Variants in DHX58 observed in about 807,000 individuals in gnomAD.
DHX58 encodes the protein ATP-dependent RNA helicase DHX58.
Under a neutral mutation model 65.0 loss-of-function variants are expected in DHX58, and 51 were observed. The ratio of observed to expected loss-of-function variants is 0.78; its 90% confidence interval spans 0.63 to 0.99. The LOEUF is 0.99. DHX58 is among the 50% of genes least tolerant of loss of function. The probability of loss-of-function intolerance (pLI) is 0.00; values close to 1 mark genes in which losing one functional copy is unlikely to be tolerated. For missense variants in DHX58, 773 were observed against 891.8 expected, an observed-to-expected ratio of 0.87 and a Z score of 1.70; for synonymous variants, 350 against 365.0, an observed-to-expected ratio of 0.96 and a Z score of 0.47.
At position 42,112,133 on chromosome 17, in the gene DHX58, G is replaced by A; in HGVS notation, c.-22C>T. 2.3e-6 allele frequency: 1 copy of A among 440,664 alleles called. No individual in the cohort carries two copies. The highest frequency in any genetic ancestry group is 4.0e-6 in the Non-Finnish European group (1 of 249,786). 27.3% of individuals were successfully genotyped at this position (440,664 alleles called of 1,614,324 possible). ...CTCACCTGCTCTAGTAGGTAGGTCTGCCCAGGGCAGTCCCACTTAACTCAG... is the reference window on the plus strand; with the variant it reads ...CTCACCTGCTCTAGTAGGTAGGTCTACCCAGGGCAGTCCCACTTAACTCAG... On this transcript the variant is annotated 5_prime_UTR_variant, in exon 2 of 14. Coordinates refer to ENST00000251642, the MANE Select transcript of DHX58 (RefSeq NM_024119.3).
intron 5 of DHX58, 74 bp from the exon 6 acceptor site, chr17:42,109,460 G>A: frequency 2.4e-6 from 3 of 1,256,016 alleles, no homozygotes; most frequent in Non-Finnish European, 3.4e-6. Flanking sequence ...GGGCAGGATG[G>A]ATCCCAGCTG....
chr17:42,108,957 C>T (rs943994979), intron 6 of DHX58, among the ~76,000 whole-genome samples: 4 of 152,250 alleles, frequency 2.6e-5, no homozygotes, highest in Non-Finnish European at 2.9e-5. Context: ...ATGGCAGACA[C>T]GAGGCCGTGT....
In DHX58 at chr17:42,101,742, CA is replaced by C. The variant is rs781957540; in HGVS notation, c.*18del. On this transcript the variant is annotated 3_prime_UTR_variant, in exon 14 of 14. Transcript: ENST00000251642. ...CCCGCCCCCTACAGCCCAAACCGGG[CA>C]CTGCAGCAATGAGGTGGTCAGTCCA... is the stretch of plus-strand genomic sequence containing the variant. 6.2e-7 allele frequency: 1 copy of C among 1,611,208 alleles called. No individual in the cohort carries two copies. Among genetic ancestry groups the C allele is most frequent in the African/African-American group, 1.3e-5 (1 of 74,860 alleles).
In DHX58 at chr17:42,101,923, G is replaced by A. The variant is rs563957116; in HGVS notation, c.1875C>T (p.Tyr625=). 3.7e-6 allele frequency: 6 copies of A among 1,613,508 alleles called. No individual in the cohort carries two copies. The highest frequency in any genetic ancestry group is 2.2e-5 in the East Asian group (1 of 44,884). The change falls in exon 14 of 14, where the codon TAC becomes TAT. Residue 625 remains tyrosine, a synonymous_variant. Transcript: ENST00000251642. ...CGEVWGLQMI[Y]KSVKLPVLKV... ...TGAGCACTGGCAGCTTCACTGACTT[G>A]TAGATCATCTGCAGACCCCAGACCT...
Position 42,103,617 on chromosome 17 carries a change from G to A in DHX58, c.1745C>T (p.Pro582Leu), listed in dbSNP as rs782369407. Residue 582 changes from proline (P) to leucine (L), a missense_variant, in exon 12 of 14, where the codon CCC becomes CTC. Coordinates refer to ENST00000251642, the MANE Select transcript of DHX58 (RefSeq NM_024119.3). ...CTTCCACAGGTCTCACGAGAAGTTG[G>A]GGTTCACATTGACATGGTGGGTGCC... ...VEGTHHVNVN[P>L]NFSNYYNVSR... The A allele has an allele frequency of 2.0e-5, 32 of 1,613,926 alleles. No homozygotes were observed. The Middle Eastern group carries it at 1.2e-3, about 58-fold the overall frequency.
rs2054034557 is a variant in DHX58, at chr17:42,105,057, C to T, written c.1362G>A (p.Val454=). 1 of 1,613,770 alleles carries T rather than the reference C, an allele frequency of 6.2e-7. No individual in the cohort carries two copies. The highest frequency in any genetic ancestry group is 8.5e-7 in the Non-Finnish European group (1 of 1,179,974). ...TTTCATTGGTCAAGAGCCCATAACG[C>T]ACCACCACATTGCAATGTGGGATGT... ...GLDIPHCNVV[V]RYGLLTNEIS... The change falls in exon 10 of 14, where the codon GTG becomes GTA. Residue 454 remains valine (V), a synonymous_variant. Coordinates refer to ENST00000251642, the MANE Select transcript of DHX58 (RefSeq NM_024119.3).
rs1555661522 is a variant in DHX58, at chr17:42,101,655, T to C, written c.*106A>G. ...GTGCCCAGGACTCCTGTGTGGCTGG[T>C]GGGCCTGATGCCCACAGCTGATGAT... On this transcript the variant is annotated 3_prime_UTR_variant, in exon 14 of 14. Transcript: ENST00000251642. 6.2e-6 allele frequency: 9 copies of C among 1,448,374 alleles called. No individual in the cohort carries two copies. The highest frequency in any genetic ancestry group is 1.4e-5 in the African/African-American group (1 of 70,774). 89.7% of individuals were successfully genotyped at this position (1,448,374 alleles called of 1,614,324 possible). A position where few individuals can be genotyped will look rare whatever the true frequency, so the allele number is the denominator to read the frequency against.
chr17:42,106,121 T>G (rs1308111349), intron 8 of DHX58, 132 bp from the exon 9 acceptor site: 2 of 854,760 alleles, frequency 2.3e-6, no homozygotes, highest in Middle Eastern at 3.6e-4. Context: ...ATTGCACCAC[T>G]GCACTCCAGG....
rs782203467 is a variant in DHX58, at chr17:42,105,051, A to G, written c.1368T>C (p.Tyr456=). 32 of 1,613,712 alleles carry G rather than the reference A, an allele frequency of 2.0e-5. No homozygotes were observed. Among genetic ancestry groups the G allele is most frequent in the Non-Finnish European group, 2.5e-5 (30 of 1,179,972 alleles). ...TGGAGATTTCATTGGTCAAGAGCCC[A>G]TAACGCACCACCACATTGCAATGTG... ...DIPHCNVVVR[Y]GLLTNEISMV... Residue 456 remains tyrosine, a synonymous_variant, in exon 10 of 14, where the codon TAT becomes TAC. Transcript: ENST00000251642.
In DHX58 at chr17:42,111,376, T is replaced by C. The variant is rs1267295131; in HGVS notation, c.290A>G (p.His97Arg). ...RAGFGHLARCHDLLICTAELL... is the reference protein window; with the variant it reads ...RAGFGHLARCRDLLICTAELL... ...CTCTGCTGTGCAGATGAGCAGGTCA[T>C]GGCACCGGGCCAGGTGGCCAAAGCC... Residue 97 changes from histidine (H) to arginine (R), a missense_variant, in exon 4 of 14, where the codon CAT becomes CGT. Coordinates refer to ENST00000251642, the MANE Select transcript of DHX58 (RefSeq NM_024119.3). 6.2e-7 allele frequency: 1 copy of C among 1,614,082 alleles called. No individual in the cohort carries two copies. The highest frequency in any genetic ancestry group is 8.5e-7 in the Non-Finnish European group (1 of 1,180,036).
intron 11 of DHX58, 82 bp downstream of exon 11, chr17:42,104,684 G>A (rs1239120768): frequency 2.1e-5 from 33 of 1,548,406 alleles, no homozygotes; most frequent in South Asian, 1.1e-4. Context: ...ACAGGGGGAC[G>A]TATGTGTGCA....
rs2054138596 is a variant in DHX58, at chr17:42,110,869, C to T, written c.415G>A (p.Asp139Asn). The change falls in exon 5 of 14, where the codon GAC (aspartate) becomes AAC (asparagine). Residue 139 changes from aspartate (D) to asparagine (N), a missense_variant. By Grantham distance (23) the Asp-to-Asn change is conservative (BLOSUM62 1). Coordinates refer to ENST00000251642, the MANE Select transcript of DHX58 (RefSeq NM_024119.3). The part of the protein sequence containing the change: ...VVDECHHTHK[D>N]TVYNVIMSQY... ...CTCATGATGACGTTGTAGACGGTGTCCTTGTGCGTGTGGTGGCACTCATCC... is the reference window on the plus strand; with the variant it reads ...CTCATGATGACGTTGTAGACGGTGTTCTTGTGCGTGTGGTGGCACTCATCC... 1 of 1,613,486 alleles carries T rather than the reference C, an allele frequency of 6.2e-7. No individual in the cohort carries two copies. The highest frequency in any genetic ancestry group is 1.1e-5 in the South Asian group (1 of 90,994).
At position 42,111,966 on chromosome 17, in the gene DHX58, A is replaced by G. The variant is rs933157596; in HGVS notation, c.-1-73T>C. ...AACTCCTGGCCAGACCAGTCAGTACAGAGACCTCCCTTTGCCCAGGACTCC... is the reference window on the plus strand; with the variant it reads ...AACTCCTGGCCAGACCAGTCAGTACGGAGACCTCCCTTTGCCCAGGACTCC... On this transcript the variant is annotated intron_variant, in intron 2 of 13. Transcript: ENST00000251642. 40 of 1,520,218 alleles carry G rather than the reference A, an allele frequency of 2.6e-5. 1 individual carries two copies. The Middle Eastern group carries it at 7.1e-4, about 27-fold the overall frequency. The allele number at this position is 1,520,218 out of a possible 1,614,324, so 94.2% of individuals were successfully genotyped here. A position where few individuals can be genotyped will look rare whatever the true frequency, so the allele number is the denominator to read the frequency against.
At position 42,105,775 on chromosome 17, in the gene DHX58, A is replaced by C. The variant is rs781890189; in HGVS notation, c.1212T>G (p.Ile404Met). The C allele has an allele frequency of 2.5e-6, 4 of 1,607,874 alleles. No individual in the cohort carries two copies. The South Asian group carries it at 4.4e-5, about 18-fold the overall frequency. ...TGCTCTGGCTGCTGTTCCCAGCCCC[A>C]ATCAGTAGCTGGGCCCGGATGTCCA... ...QTVDIRAQLL[I>M]GAGNSSQSTH... is the part of the protein sequence containing the mutation. The change falls in exon 9 of 14, where the codon ATT becomes ATG. Residue 404 changes from isoleucine (I) to methionine (M), a missense_variant. Ile to Met is a conservative substitution (Grantham distance 10, BLOSUM62 1). Transcript: ENST00000251642.
At chr17:42,102,071 T>A in intron 13 of DHX58, 125 bp from the exon 14 acceptor site, 1 of 1,432,974 alleles carries the variant, frequency 7.0e-7, no homozygotes, top group Non-Finnish European at 9.5e-7. Flanking sequence ...GACTGTGGGC[T>A]CCCTTAGGGA....
rs560098908 is a variant in DHX58 at position 42,105,845 on chromosome 17, T to C, written c.1142A>G (p.His381Arg). Residue 381 changes from histidine (H) to arginine (R), a missense_variant, in exon 9 of 14, where the codon CAC becomes CGC. Physicochemically the swap from His to Arg is conservative, Grantham distance 29. Coordinates refer to ENST00000251642, the MANE Select transcript of DHX58 (RefSeq NM_024119.3). ...CTGCTGGAGCCAGAGCAGGAGGGAG[T>C]GTGCGCTTTGGCGGGTGCGGGTGAA... Reference protein sequence around the residue: ...IIFTRTRQSAHSLLLWLQQQQ... With the variant: ...IIFTRTRQSARSLLLWLQQQQ... The C allele has an allele frequency of 2.5e-6, 4 of 1,613,312 alleles. No individual in the cohort carries two copies. The South Asian group carries it at 3.3e-5, about 13-fold the overall frequency.
Position 42,108,110 on chromosome 17 carries a change from T to C in DHX58, c.679-2A>G. 1 of 1,614,234 alleles carries C rather than the reference T, an allele frequency of 6.2e-7. No homozygotes were observed. Among genetic ancestry groups the C allele is most frequent in the East Asian group, 2.2e-5 (1 of 44,878 alleles). On this transcript the variant is annotated splice_acceptor_variant, in intron 6 of 13. Transcript: ENST00000251642. LOFTEE classifies it high-confidence loss of function. Reference sequence around the variant, plus strand: ...CTTCAGCAAGTCCCCAAACGGATCCTGAGCAAGAGGAGAGTTGGAGGGGAT... The same window carrying C: ...CTTCAGCAAGTCCCCAAACGGATCCCGAGCAAGAGGAGAGTTGGAGGGGAT...
rs375152984 is a variant in DHX58, at chr17:42,101,722, C to G, written c.*39G>C. 4.4e-6 allele frequency: 7 copies of G among 1,603,722 alleles called. No individual in the cohort carries two copies. The highest frequency in any genetic ancestry group is 1.9e-4 in the Middle Eastern group (1 of 5,200). On this transcript the variant is annotated 3_prime_UTR_variant, in exon 14 of 14. Coordinates refer to ENST00000251642, the MANE Select transcript of DHX58 (RefSeq NM_024119.3). ...TGGAGTCTGCTGCAGACTCTCCCGC[C>G]CCCTACAGCCCAAACCGGGCACTGC...
At chr17:42,111,108 G>T (rs2054143415) in intron 4 of DHX58, among the ~76,000 whole-genome samples, 188 bp downstream of exon 4, 1 of 152,164 alleles carries the variant, frequency 6.6e-6, no homozygotes, top group Non-Finnish European at 1.5e-5. Context: ...AGCTGGGGAA[G>T]GGACTGGCCT....
Sources: allele counts gnomAD v4.1 joint callset (sites outside exome capture counted in the v4.1 genomes callset), GRCh38; gene constraint gnomAD v4.1.1; transcripts MANE v1.5; gene names NCBI Gene and HGNC (gene_info 2026-07-23, HGNC 2026-07-21).